Variants in MROH1 observed in about 807,000 individuals in gnomAD.
MROH1 encodes maestro heat like repeat family member 1.
In MROH1, 117 loss-of-function variants were observed where a neutral mutation model predicts 116.5. That is an observed-to-expected ratio of 1.00 (90% CI 0.86 to 1.17). MROH1 has a LOEUF of 1.17. MROH1 is among the 50% of genes most tolerant of loss of function. MROH1 has a pLI of 0.00. For missense variants in MROH1, 1,873 were observed against 1,338.5 expected (o/e 1.40, Z -6.23); for synonymous variants, 921 against 583.9 (o/e 1.58, Z -8.32).
At chr8:144,253,052 G>A (rs1843103258) in intron 33 of MROH1, among the ~76,000 whole-genome samples, 2 of 151,206 alleles carry the variant, frequency 1.3e-5, no homozygotes, top group South Asian at 2.1e-4. Context: ...TACTCAGGAG[G>A]CCAAGGCAGG....
At chr8:144,250,777 C>G (rs1317856955) in intron 33 of MROH1, 1 of 361,104 alleles carries the variant, frequency 2.8e-6, no homozygotes, top group Non-Finnish European at 5.4e-6. Flanking sequence ...TGCCTGTGAG[C>G]AGACCCCTGG....
chr8:144,208,231 A>G (rs1254813177), intron 12 of MROH1, among the ~76,000 whole-genome samples: 1 of 152,218 alleles, frequency 6.6e-6, no homozygotes, highest in African/African-American at 2.4e-5. Context: ...GGCGTGAGCC[A>G]CCACACCCGG....
chr8:144,220,564 A>G, intron 12 of MROH1, 36 bp from the exon 13 acceptor site: 3 of 1,548,898 alleles, frequency 1.9e-6, no homozygotes, highest in Non-Finnish European at 2.6e-6. Context: ...TCCTCATCTC[A>G]GTGGTAGGCT....
chr8:144,214,027 T>A (rs1834749156), intron 12 of MROH1: 1 of 152,222 alleles, frequency 6.6e-6, no homozygotes, highest in South Asian at 2.1e-4. Context: ...AATATCCTGA[T>A]GTTGGTCCTG....
intron 12 of MROH1, chr8:144,200,845 C>G: frequency 2.8e-6 from 1 of 357,780 alleles, no homozygotes; most frequent in South Asian, 3.5e-5. Context: ...AGACAGCCAT[C>G]CCTGAGCCCA....
At chr8:144,240,918 G>GCAGC (rs1840870520) in intron 20 of MROH1, 74 bp from the exon 21 acceptor site, 1 of 713,882 alleles carries the variant, frequency 1.4e-6, no homozygotes, top group African/African-American at 1.7e-5. Flanking sequence ...CACCCCAGGG[G>GCAGC]CAGCCCCATG....
intron 9 of MROH1, 73 bp from the exon 10 acceptor site, chr8:144,192,236 G>A (rs1828799072): frequency 7.6e-7 from 1 of 1,313,498 alleles, no homozygotes. Context: ...CCAACTGGGA[G>A]GCTCTGATTG....
At chr8:144,172,608 A>G (rs1439595220) in intron 4 of MROH1, among the ~76,000 whole-genome samples, 1 of 151,898 alleles carries the variant, frequency 6.6e-6, no homozygotes, top group African/African-American at 2.4e-5. Flanking sequence ...ACCGGGTTTC[A>G]CCGTGTTGGT....
intron 33 of MROH1, chr8:144,251,964 G>A: frequency 4.2e-6 from 1 of 237,486 alleles, no homozygotes; most frequent in Admixed American, 5.9e-5. Flanking sequence ...GCCGGGTGCT[G>A]CTGCCCATCC....
At chr8:144,227,412 G>A (rs1446204793) in intron 14 of MROH1, among the ~76,000 whole-genome samples, 2 of 152,128 alleles carry the variant, frequency 1.3e-5, no homozygotes, top group South Asian at 2.1e-4. Flanking sequence ...GAGGCGGGCA[G>A]ATCATTCAAT....
At chr8:144,216,919 ACCT>A (rs1162219849) in intron 12 of MROH1, among the ~76,000 whole-genome samples, 4 of 151,780 alleles carry the variant, frequency 2.6e-5, no homozygotes, top group Non-Finnish European at 5.9e-5. Flanking sequence ...CAAACTCCTG[ACCT>A]CCTGATCCAT....
At chr8:144,178,261 A>C (rs933534929) in intron 4 of MROH1, among the ~76,000 whole-genome samples, 2 of 151,986 alleles carry the variant, frequency 1.3e-5, no homozygotes, top group Admixed American at 1.3e-4. Context: ...CCTCCCGAGT[A>C]GCTGGGACTA....
At chr8:144,228,795 T>C (rs941512070) in intron 14 of MROH1, among the ~76,000 whole-genome samples, 4 of 152,240 alleles carry the variant, frequency 2.6e-5, no homozygotes, top group Admixed American at 2.6e-4. Flanking sequence ...TGATGAAGTT[T>C]GCTGCATTGA....
chr8:144,193,149 C>G (rs1334523890), intron 10 of MROH1: 6 of 158,210 alleles, frequency 3.8e-5, no homozygotes, highest in Admixed American at 3.5e-4. Context: ...GAAGAGGGGA[C>G]GGCAGCCACA....
At chr8:144,259,579 T>C (rs1554834523) in intron 37 of MROH1, among the ~76,000 whole-genome samples, 1 of 152,226 alleles carries the variant, frequency 6.6e-6, no homozygotes, top group African/African-American at 2.4e-5. Flanking sequence ...CCCTGCAGCC[T>C]GTACTCTCCC....
chr8:144,240,606 G>A lies in MROH1; in HGVS notation c.1864G>A (p.Ala622Thr), dbSNP rs958599893. The A allele has an allele frequency of 5.7e-4, 411 of 717,520 alleles. 2 individuals carry two copies. In the African/African-American group the frequency reaches 5.7e-3, roughly 10 times the overall value. The allele number at this position is 717,520 out of a possible 1,614,324, so 44.4% of individuals were successfully genotyped here. The change falls in exon 20 of 44, where the codon GCG becomes ACG. Residue 622 changes from alanine to threonine, a missense_variant. Physicochemically the swap from Ala to Thr is moderately conservative, Grantham distance 58. Transcript: ENST00000326134. ...RDTLAIISDN[A>T]WICQLSLELC... ...CACCCTGGCCATCATTTCTGACAAC[G>A]CGTGGATCTGCCAGCTGAGCCTGGA...
rs770307488 is a variant in MROH1, at chr8:144,168,304, C to T, written c.32C>T (p.Ser11Phe). The T allele has an allele frequency of 1.2e-6, 2 of 1,603,600 alleles. No individual in the cohort carries two copies. The highest frequency in any genetic ancestry group is 1.1e-5 in the South Asian group (1 of 90,348). Residue 11 changes from serine to phenylalanine, a missense_variant, in exon 4 of 44, where the codon TCC becomes TTC. By Grantham distance (155) the Ser-to-Phe change is radical. Coordinates refer to ENST00000326134, the MANE Select transcript of MROH1 (RefSeq NM_032450.3). Reference sequence around the variant, plus strand: ...GGCTTTGTCGCTGCAGAGCTGGCCTCCACCCTGCTGGACGCCATCACCGAT... The same window carrying T: ...GGCTTTGTCGCTGCAGAGCTGGCCTTCACCCTGCTGGACGCCATCACCGAT... Reference protein sequence around the residue: MTESSMKKLASTLLDAITDKD... With the variant: MTESSMKKLAFTLLDAITDKD...
At chr8:144,235,178 A>G (rs1839845201) in intron 14 of MROH1, among the ~76,000 whole-genome samples, 1 of 152,226 alleles carries the variant, frequency 6.6e-6, no homozygotes, top group South Asian at 2.1e-4. Context: ...TTACAGGCAT[A>G]AGCCACTGTG....
At chr8:144,237,748 T>C (rs1840292605) in intron 14 of MROH1, among the ~76,000 whole-genome samples, 1 of 152,186 alleles carries the variant, frequency 6.6e-6, no homozygotes, top group African/African-American at 2.4e-5. Context: ...TCGCTGGGAT[T>C]TTCCTTGTTC....
Sources: gnomAD v4.1 joint callset for allele counts (sites outside exome capture counted in the v4.1 genomes callset) on GRCh38, gnomAD v4.1.1 for gene constraint, MANE v1.5 for transcripts, NCBI Gene and HGNC (gene_info 2026-07-23, HGNC 2026-07-21) for gene names.